The following NAALADL2 variants were observed in gnomAD, a reference collection of about 807,000 sequenced individuals.
NAALADL2 encodes the protein inactive N-acetylated-alpha-linked acidic dipeptidase-like protein 2.
Under a neutral mutation model 87.2 loss-of-function variants are expected in NAALADL2, and 76 were observed. That is an observed-to-expected ratio of 0.87 (90% CI 0.72 to 1.05). The LOEUF is 1.05. Ranked by LOEUF, NAALADL2 falls within the 50% of genes least tolerant of loss-of-function variation. The probability of loss-of-function intolerance (pLI) is 0.00; values close to 1 mark genes in which losing one functional copy is unlikely to be tolerated. For synonymous variants in NAALADL2, 354 were observed against 331.0 expected (o/e 1.07, Z -0.75); for missense variants, 1,089 against 945.8 (o/e 1.15, Z -1.99).
At chr3:175,416,168 A>C (rs994460875) in intron 5 of NAALADL2, among the ~76,000 whole-genome samples, 1 of 152,054 alleles carries the variant, frequency 6.6e-6, no homozygotes, top group Non-Finnish European at 1.5e-5. Flanking sequence ...AATATATTTC[A>C]CAGAAACACA....
At chr3:175,021,336 G>A (rs4449328) in intron 1 of NAALADL2, among the ~76,000 whole-genome samples, 3,988 of 152,070 alleles carry the variant, frequency 0.026, 60 homozygotes, top group Non-Finnish European at 0.034. Flanking sequence ...ACTATACAAA[G>A]TATACATGGT....
At chr3:175,607,366 T>C (rs1422682583) in intron 10 of NAALADL2, among the ~76,000 whole-genome samples, 1 of 152,226 alleles carries the variant, frequency 6.6e-6, no homozygotes, top group Non-Finnish European at 1.5e-5. Flanking sequence ...TTCATAATTA[T>C]GCTTTTTTCC....
chr3:175,361,929 T>C (rs1765065900), intron 5 of NAALADL2, among the ~76,000 whole-genome samples: 2 of 148,156 alleles, frequency 1.3e-5, no homozygotes, highest in Non-Finnish European at 3.0e-5. Context: ...GTTTTAGTCA[T>C]GAAGTCCTTG....
intron 9 of NAALADL2, among the ~76,000 whole-genome samples, chr3:175,537,850 G>A (rs1290497110): frequency 6.6e-6 from 1 of 152,172 alleles, no homozygotes; most frequent in African/African-American, 2.4e-5. Context: ...GAAAATGCTA[G>A]TGGTAAAGTT....
intron 1 of NAALADL2, among the ~76,000 whole-genome samples, chr3:175,032,417 A>C (rs1472424900): frequency 1.3e-5 from 2 of 152,090 alleles, no homozygotes; most frequent in Non-Finnish European, 2.9e-5. Context: ...TTTTATATCA[A>C]GAATTATATT....
chr3:175,526,354 G>A (rs1733414732), intron 9 of NAALADL2, among the ~76,000 whole-genome samples: 1 of 152,142 alleles, frequency 6.6e-6, no homozygotes, highest in South Asian at 2.1e-4. Context: ...TAAATAATTG[G>A]AAGGAGGAAT....
At chr3:175,642,649 C>T (rs1001799331) in intron 11 of NAALADL2, among the ~76,000 whole-genome samples, 2 of 152,146 alleles carry the variant, frequency 1.3e-5, no homozygotes, top group East Asian at 1.9e-4. Context: ...TACAGGCACC[C>T]GCCACCACGC....
intron 1 of NAALADL2, among the ~76,000 whole-genome samples, chr3:174,518,835 C>T (rs545101282): frequency 6.6e-6 from 1 of 152,256 alleles, no homozygotes; most frequent in Admixed American, 6.5e-5. Flanking sequence ...ATCTCAGTTG[C>T]CCTTTCAAAG....
chr3:174,931,943 T>C (rs1198151783), intron 1 of NAALADL2, among the ~76,000 whole-genome samples: 2 of 152,216 alleles, frequency 1.3e-5, no homozygotes, highest in African/African-American at 4.8e-5. Context: ...TTTTCTCATG[T>C]GGAAATGATT....
chr3:175,077,078 G>GA lies in NAALADL2; in HGVS notation c.44-19704dup, dbSNP rs372684561. ...AAGGTTCATTAAGCTGTGTTCAATA[G>GA]AAAAAAAATGTTTTCAAATGGCAGA... On this transcript the variant is annotated intron_variant, in intron 1 of 13. Coordinates refer to ENST00000454872, the MANE Select transcript of NAALADL2 (RefSeq NM_207015.3). Among the ~76,000 whole-genome samples, 893 of 152,034 alleles carry GA rather than the reference G, an allele frequency of 5.9e-3. 11 individuals are homozygous for GA. Among genetic ancestry groups the GA allele is most frequent in the African/African-American group, 0.02 (821 of 41,502 alleles).
At chr3:175,250,191 G>A (rs1051167721) in intron 3 of NAALADL2, among the ~76,000 whole-genome samples, 2 of 150,650 alleles carry the variant, frequency 1.3e-5, no homozygotes, top group African/African-American at 4.9e-5. Context: ...AAAAAAGAGC[G>A]ATTAGTATTC....
intron 11 of NAALADL2, among the ~76,000 whole-genome samples, chr3:175,658,620 C>T (rs1731824066): frequency 6.6e-6 from 1 of 152,148 alleles, no homozygotes; most frequent in African/African-American, 2.4e-5. Flanking sequence ...TCTCCTAACC[C>T]AGAAATGCTT....
At chr3:174,873,123 A>G (rs1728048404) in intron 1 of NAALADL2, among the ~76,000 whole-genome samples, 1 of 152,194 alleles carries the variant, frequency 6.6e-6, no homozygotes, top group Non-Finnish European at 1.5e-5. Context: ...TAGTGGCTCT[A>G]GATGTAATGG....
At chr3:175,018,869 A>G (rs1262641362) in intron 1 of NAALADL2, among the ~76,000 whole-genome samples, 1 of 152,016 alleles carries the variant, frequency 6.6e-6, no homozygotes, top group Non-Finnish European at 1.5e-5. Flanking sequence ...TGACATAGAA[A>G]AAACAGCATA....
intron 13 of NAALADL2, among the ~76,000 whole-genome samples, chr3:175,766,933 T>C (rs1233233127): frequency 6.6e-6 from 1 of 152,094 alleles, no homozygotes; most frequent in South Asian, 2.1e-4. Flanking sequence ...ACGGAGCAAG[T>C]ATAGCATATT....
chr3:175,375,818 CTTT>C (rs1292873260), intron 5 of NAALADL2, among the ~76,000 whole-genome samples: 1 of 151,864 alleles, frequency 6.6e-6, no homozygotes, highest in East Asian at 1.9e-4. Flanking sequence ...CCCATTTGTT[CTTT>C]GTTTTCTTTT....
At chr3:174,660,235 G>C (rs1725379770) in intron 2 of NAALADL2, among the ~76,000 whole-genome samples, 2 of 152,118 alleles carry the variant, frequency 1.3e-5, no homozygotes, top group African/African-American at 4.8e-5. Context: ...TGCAAATTTA[G>C]TTAAGCTAGT....
chr3:174,851,916 G>T (rs544866298), intron 3 of NAALADL2, among the ~76,000 whole-genome samples: 88 of 152,188 alleles, frequency 5.8e-4, no homozygotes, highest in African/African-American at 2.1e-3. Context: ...TGCAACGATG[G>T]TTCAACATAT....
At chr3:175,421,873 G>T (rs1715760216) in intron 5 of NAALADL2, among the ~76,000 whole-genome samples, 2 of 152,036 alleles carry the variant, frequency 1.3e-5, no homozygotes, top group Non-Finnish European at 1.5e-5. Flanking sequence ...GGAAATGAAT[G>T]TGTGATCCAC....
Sources: gnomAD v4.1 joint callset for allele counts (sites outside exome capture counted in the v4.1 genomes callset) on GRCh38, gnomAD v4.1.1 for gene constraint, MANE v1.5 for transcripts, NCBI Gene and HGNC (gene_info 2026-07-23, HGNC 2026-07-21) for gene names.